ANAPC5: variants seen among roughly 807,000 people sequenced by gnomAD.
The protein encoded by ANAPC5 is anaphase-promoting complex subunit 5.
Under a neutral mutation model 91.3 loss-of-function variants are expected in ANAPC5, and 60 were observed. That is an observed-to-expected ratio of 0.66 (90% CI 0.53 to 0.81). The LOEUF (loss-of-function observed/expected upper bound fraction) is 0.81. ANAPC5 is among the 40% of genes least tolerant of loss of function. The probability of loss-of-function intolerance (pLI) is 0.00; values close to 1 mark genes in which losing one functional copy is unlikely to be tolerated. For missense variants in ANAPC5, 690 were observed against 931.5 expected, an observed-to-expected ratio of 0.74 and a Z score of 3.37; for synonymous variants, 340 against 364.1, an observed-to-expected ratio of 0.93 and a Z score of 0.75.
At chr12:121,309,624 C>A in intron 16 of ANAPC5, 77 bp downstream of exon 16, 18 of 1,488,004 alleles carry the variant, frequency 1.2e-5, no homozygotes, top group Admixed American at 4.5e-5. Flanking sequence ...AATTTAATGT[C>A]TTTTCTTCTT....
chr12:121,345,775 C>G, intron 4 of ANAPC5, 64 bp downstream of exon 4: 1 of 1,485,010 alleles, frequency 6.7e-7, no homozygotes, highest in East Asian at 2.3e-5. Flanking sequence ...TGAACAAGGA[C>G]TTATTGCACT....
rs536986084 is a variant in ANAPC5 at position 121,337,490 on chromosome 12, G to T, written c.658-98C>A. 8.6e-6 allele frequency: 8 copies of T among 934,680 alleles called. No homozygotes were observed. In the East Asian group the frequency reaches 1.4e-4, roughly 16 times the overall value. The allele number at this position is 934,680 out of a possible 1,614,324, so 57.9% of individuals were successfully genotyped here. On this transcript the variant is annotated intron_variant, in intron 5 of 16. Coordinates refer to ENST00000261819, the MANE Select transcript of ANAPC5 (RefSeq NM_016237.5). ...TCACCTGATTATTTTCTTTTCTACA[G>T]GGGTCCCTTCAGGCTCTGGCCCCTC... is the stretch of plus-strand genomic sequence containing the variant.
intron 15 of ANAPC5, among the ~76,000 whole-genome samples, chr12:121,311,772 G>A (rs1902175846): frequency 6.6e-6 from 1 of 152,146 alleles, no homozygotes; most frequent in African/African-American, 2.4e-5. Context: ...AGTTGAGGGT[G>A]CAGTGAGCCA....
intron 5 of ANAPC5, among the ~76,000 whole-genome samples, chr12:121,337,716 C>T (rs1167090334): frequency 6.6e-6 from 1 of 152,146 alleles, no homozygotes; most frequent in Non-Finnish European, 1.5e-5. Flanking sequence ...GGGCCACCTG[C>T]TTCTGTCACC....
chr12:121,348,303 A>G (rs1903749859), intron 1 of ANAPC5, among the ~76,000 whole-genome samples: 1 of 152,236 alleles, frequency 6.6e-6, no homozygotes, highest in Admixed American at 6.5e-5. Context: ...TCACAAACAC[A>G]ATCTCATTTG....
At chr12:121,338,973 AAT>A (rs1396224644) in intron 5 of ANAPC5, among the ~76,000 whole-genome samples, 5 of 151,944 alleles carry the variant, frequency 3.3e-5, no homozygotes, top group African/African-American at 1.2e-4. Context: ...ACAAAATCAG[AAT>A]ATGATATGTA....
chr12:121,314,394 G>A (rs1394720222), intron 15 of ANAPC5, among the ~76,000 whole-genome samples: 1 of 151,934 alleles, frequency 6.6e-6, no homozygotes, highest in African/African-American at 2.4e-5. Context: ...CTGGGCAACA[G>A]AGTGACACTC....
chr12:121,331,273 C>A lies in ANAPC5; in HGVS notation c.1032+74G>T, dbSNP rs1211828801. ...GATCTCTGCTCCAACTGCAAAACAA[C>A]CCAATTCAACGGGGCCTTGTGAAGG... On this transcript the variant is annotated intron_variant, in intron 8 of 16. Coordinates refer to ENST00000261819, the MANE Select transcript of ANAPC5 (RefSeq NM_016237.5). 2.3e-6 allele frequency: 3 copies of A among 1,323,814 alleles called. No individual in the cohort carries two copies. The African/African-American group carries it at 4.3e-5, about 19-fold the overall frequency. 82.0% of individuals were successfully genotyped at this position (1,323,814 alleles called of 1,614,324 possible). A position where few individuals can be genotyped will look rare whatever the true frequency, so the allele number is the denominator to read the frequency against.
rs781789790 is a variant in ANAPC5 at position 121,352,162 on chromosome 12, AGCCTCCGCCGCTCCATGAGGCTGACGGC to A, written c.151_178del (p.Ala51SerfsTer22). 1 of 1,611,972 alleles carries A rather than the reference AGCCTCCGCCGCTCCATGAGGCTGACGGC, an allele frequency of 6.2e-7. No homozygotes were observed. The highest frequency in any genetic ancestry group is 1.7e-5 in the Admixed American group (1 of 59,968). ...CAGCAGGGGCAGGAGCAGCTGGTTG[AGCCTCCGCCGCTCCATGAGGCTGACGGC>A]GCCCTCGCCTGTGCGGCTCATCTCG... On this transcript the variant is annotated frameshift_variant, in exon 1 of 17. Transcript: ENST00000261819. LOFTEE classifies it high-confidence loss of function.
intron 9 of ANAPC5, 147 bp from the exon 10 acceptor site, chr12:121,328,644 ACCCT>A: frequency 1.3e-5 from 9 of 694,228 alleles, no homozygotes. Flanking sequence ...CCTGGCCTTA[ACCCT>A]GAGCCATACG....
At chr12:121,322,230 C>T (rs1902646032) in intron 11 of ANAPC5, among the ~76,000 whole-genome samples, 1 of 151,062 alleles carries the variant, frequency 6.6e-6, no homozygotes, top group Admixed American at 6.6e-5. Flanking sequence ...GTGGTCTAGG[C>T]TCACTGCAAC....
intron 12 of ANAPC5, 101 bp downstream of exon 12, chr12:121,320,284 T>C: frequency 1.8e-6 from 2 of 1,142,278 alleles, no homozygotes. Context: ...CCTTTTTAGC[T>C]CAATATTATT....
chr12:121,325,997 CG>C (rs1381904071), intron 11 of ANAPC5, among the ~76,000 whole-genome samples: 1 of 152,190 alleles, frequency 6.6e-6, no homozygotes, highest in Non-Finnish European at 1.5e-5. Flanking sequence ...AAGAAACAAG[CG>C]AGAGACAGAC....
chr12:121,351,142 G>A lies in ANAPC5; in HGVS notation c.207+992C>T, dbSNP rs561071764. On this transcript the variant is annotated intron_variant, in intron 1 of 16. Coordinates refer to ENST00000261819, the MANE Select transcript of ANAPC5 (RefSeq NM_016237.5). ...ATCCCAATACTCTGGGAGACCAGAC[G>A]GGAGGATTGCTTGAGTCCAGGAGTT... is the stretch of plus-strand genomic sequence containing the variant. The A allele has an allele frequency of 7.0e-4, 305 of 435,870 alleles. 1 individual carries two copies. The highest frequency in any genetic ancestry group is 5.7e-3 in the African/African-American group (277 of 48,496). 27.0% of individuals were successfully genotyped at this position (435,870 alleles called of 1,614,324 possible).
intron 1 of ANAPC5, chr12:121,351,140 A>G: frequency 9.1e-6 from 4 of 437,764 alleles, no homozygotes; most frequent in Non-Finnish European, 1.8e-5. Context: ...GGGAGACCAG[A>G]CGGGAGGATT....
chr12:121,342,859 A>G lies in ANAPC5; in HGVS notation c.591-790T>C, dbSNP rs893551270. 1.3e-5 allele frequency among the ~76,000 whole-genome samples: 2 copies of G among 152,218 alleles called. No individual in the cohort carries two copies. The highest frequency in any genetic ancestry group is 2.4e-5 in the African/African-American group (1 of 41,458). On this transcript the variant is annotated intron_variant, in intron 4 of 16. Coordinates refer to ENST00000261819, the MANE Select transcript of ANAPC5 (RefSeq NM_016237.5). This position sits in a 1 kb window ranked among gnomAD's most constrained non-coding sequence, Gnocchi z 4.1. ...GGCGGCAGAGCGAGACTTCATCTCA[A>G]AAAGAAAAGATCACAAAAAGAAAAC... is the stretch of plus-strand genomic sequence containing the variant.
intron 13 of ANAPC5, among the ~76,000 whole-genome samples, chr12:121,318,935 G>A (rs1902482475): frequency 1.3e-5 from 2 of 152,024 alleles, no homozygotes; most frequent in South Asian, 4.1e-4. Flanking sequence ...CAGGAGAATC[G>A]CTTGAACCCA....
chr12:121,311,047 T>C (rs1380396225), intron 15 of ANAPC5, among the ~76,000 whole-genome samples: 1 of 151,592 alleles, frequency 6.6e-6, no homozygotes, highest in Non-Finnish European at 1.5e-5. Flanking sequence ...TTTTAAAGTA[T>C]CCACTGTATG....
At chr12:121,326,106 C>T (rs562387164) in intron 11 of ANAPC5, among the ~76,000 whole-genome samples, 11 of 152,278 alleles carry the variant, frequency 7.2e-5, no homozygotes, top group African/African-American at 2.4e-4. Flanking sequence ...CTGGCAAAGG[C>T]GCCGTGGAAC....
Sources: allele counts gnomAD v4.1 joint callset (sites outside exome capture counted in the v4.1 genomes callset), GRCh38; gene constraint gnomAD v4.1.1; non-coding constraint Gnocchi (gnomAD v3.1); transcripts MANE v1.5; gene names NCBI Gene and HGNC (gene_info 2026-07-23, HGNC 2026-07-21).